Variants in WRAP73 observed in about 807,000 individuals in gnomAD.
WRAP73 encodes WD repeat-containing protein WRAP73.
WRAP73 carries 55 observed loss-of-function variants against 59.6 expected under a neutral mutation model. The ratio of observed to expected loss-of-function variants is 0.92; its 90% confidence interval spans 0.74 to 1.15. WRAP73 has a LOEUF of 1.15. WRAP73 is among the 50% of genes most tolerant of loss of function. The probability of loss-of-function intolerance (pLI) is 0.00; values close to 1 mark genes in which losing one functional copy is unlikely to be tolerated. For synonymous variants in WRAP73, 265 were observed against 258.2 expected, an observed-to-expected ratio of 1.03 and a Z score of -0.25; for missense variants, 592 against 608.1, an observed-to-expected ratio of 0.97 and a Z score of 0.28.
intron 3 of WRAP73, among the ~76,000 whole-genome samples, chr1:3,640,914 G>A (rs564161775): frequency 6.6e-6 from 1 of 152,338 alleles, no homozygotes; most frequent in South Asian, 2.1e-4. Flanking sequence ...GGGTGCGCCT[G>A]GCCGAGGCTC....
At chr1:3,634,824 A>C in intron 8 of WRAP73, 173 bp downstream of exon 8, 2 of 800,554 alleles carry the variant, frequency 2.5e-6, no homozygotes, top group Non-Finnish European at 4.1e-6. Flanking sequence ...TGGAGGAGGA[A>C]GAACAAAGGC....
At chr1:3,638,634 G>T in intron 4 of WRAP73, 116 bp downstream of exon 4, 1 of 1,058,834 alleles carries the variant, frequency 9.4e-7, no homozygotes, top group Non-Finnish European at 1.5e-6. Context: ...AGCCCAAGGG[G>T]GTTGGCTATG....
intron 8 of WRAP73, 26 bp from the exon 9 acceptor site, chr1:3,633,529 C>T (rs749354042): frequency 2.3e-5 from 35 of 1,546,284 alleles, no homozygotes; most frequent in East Asian, 4.6e-5. Context: ...TGGCCACGCC[C>T]GGCTCAGGAC....
chr1:3,639,537 C>T lies in WRAP73; in HGVS notation c.340-715G>A, dbSNP rs1306520739. ...GGTCCAGCCCTCCCCGTGGCAGCGC[C>T]GCGGGACTTCCAGGGCTGCTGTGTC... On this transcript the variant is annotated intron_variant, in intron 3 of 11. Transcript: ENST00000270708. The surrounding 1 kb of genome is among the most constrained non-coding windows in gnomAD (Gnocchi z 4.3). The T allele has an allele frequency of 6.6e-6, 1 of 152,258 alleles. No individual in the cohort carries two copies. The highest frequency in any genetic ancestry group is 2.4e-5 in the African/African-American group (1 of 41,464). 9.4% of individuals were successfully genotyped at this position (152,258 alleles called of 1,614,324 possible). A position where few individuals can be genotyped will look rare whatever the true frequency, so the allele number is the denominator to read the frequency against.
At position 3,635,934 on chromosome 1, in the gene WRAP73, ATCT is replaced by A. The variant is rs1449293321; in HGVS notation, c.603+7_603+9del. The A allele has an allele frequency of 3.7e-6, 6 of 1,612,510 alleles. No individual in the cohort carries two copies. The highest frequency in any genetic ancestry group is 4.2e-6 in the Non-Finnish European group (5 of 1,178,876). On this transcript the variant is annotated splice_region_variant and intron_variant, in intron 6 of 11. Transcript: ENST00000270708. ...TCGAAAGCAAACATGTCACCTGGTCATCTTCATACCTCCAAGCAGGTGTCCCAC... is the reference window on the plus strand; with the variant it reads ...TCGAAAGCAAACATGTCACCTGGTCATCATACCTCCAAGCAGGTGTCCCAC...
At chr1:3,648,781 A>G (rs1644713654) in intron 1 of WRAP73, among the ~76,000 whole-genome samples, 1 of 152,230 alleles carries the variant, frequency 6.6e-6, no homozygotes, top group South Asian at 2.1e-4. Flanking sequence ...CATAAATGGT[A>G]AAAACAAAAA....
rs183577306 is a variant in WRAP73, at chr1:3,641,422, G to A, written c.340-2600C>T. On this transcript the variant is annotated intron_variant, in intron 3 of 11. Coordinates refer to ENST00000270708, the MANE Select transcript of WRAP73 (RefSeq NM_017818.4). ...CACCATGACCCAGCACTCTCAAGATGGAGGAACGGGCCACTGATCCACCCC... is the reference window on the plus strand; with the variant it reads ...CACCATGACCCAGCACTCTCAAGATAGAGGAACGGGCCACTGATCCACCCC... Among the ~76,000 whole-genome samples the A allele has an allele frequency of 3.3e-5, 5 of 152,306 alleles. No individual in the cohort carries two copies. In the East Asian group the frequency reaches 7.7e-4, roughly 23 times the overall value.
At position 3,646,636 on chromosome 1, in the gene WRAP73, C is replaced by T; in HGVS notation, c.339+30G>A. 6.4e-7 allele frequency: 1 copy of T among 1,562,624 alleles called. No homozygotes were observed. Among genetic ancestry groups the T allele is most frequent in the Non-Finnish European group, 8.8e-7 (1 of 1,142,320 alleles). On this transcript the variant is annotated intron_variant, in intron 3 of 11. Transcript: ENST00000270708. The surrounding 1 kb of genome is among the most constrained non-coding windows in gnomAD (Gnocchi z 5.1). ...GAGAGCAGAGGACAGGATCACATGG[C>T]CAGTAAGGTGTCTTGGGGCTGACAC...
intron 3 of WRAP73, among the ~76,000 whole-genome samples, chr1:3,641,821 C>T (rs989255821): frequency 6.6e-6 from 1 of 152,202 alleles, no homozygotes; most frequent in African/African-American, 2.4e-5. Flanking sequence ...ACAACATACA[C>T]ACTCAAGTTT....
chr1:3,635,283 C>T lies in WRAP73; in HGVS notation c.615G>A (p.Leu205=), dbSNP rs774400737. ...ACAACCGGCCATCCAATGAGTACAG[C>T]AGAATCTTGTACTGCAGATGAGACA... The part of the protein sequence containing the change: ...VWDTCLEYKI[L]LYSLDGRLLS... Residue 205 remains leucine, a synonymous_variant, in exon 7 of 12, where the codon CTG becomes CTA. Transcript: ENST00000270708. 6.2e-7 allele frequency: 1 copy of T among 1,613,894 alleles called. No individual in the cohort carries two copies. Among genetic ancestry groups the T allele is most frequent in the Non-Finnish European group, 8.5e-7 (1 of 1,180,026 alleles).
rs534046638 is a variant in WRAP73 at position 3,639,899 on chromosome 1, C to G, written c.340-1077G>C. ...GCCCGGGGTGGGGGACCGTCTCCAG[C>G]AGCGTAAGTGGGGCCGCAGCGTGTG... On this transcript the variant is annotated intron_variant, in intron 3 of 11. Coordinates refer to ENST00000270708, the MANE Select transcript of WRAP73 (RefSeq NM_017818.4). This position sits in a 1 kb window ranked among gnomAD's most constrained non-coding sequence, Gnocchi z 4.3. 1.3e-5 allele frequency among the ~76,000 whole-genome samples: 2 copies of G among 152,300 alleles called. No individual in the cohort carries two copies. Among genetic ancestry groups the G allele is most frequent in the Non-Finnish European group, 2.9e-5 (2 of 68,014 alleles).
At chr1:3,644,890 C>A (rs948496492) in intron 3 of WRAP73, among the ~76,000 whole-genome samples, 14 of 152,212 alleles carry the variant, frequency 9.2e-5, no homozygotes, top group Non-Finnish European at 1.8e-4. Context: ...AGGCTGACCC[C>A]ATGACATGAG....
chr1:3,634,465 C>A (rs576308975), intron 8 of WRAP73: 1 of 173,516 alleles, frequency 5.8e-6, no homozygotes, highest in African/African-American at 2.4e-5. Flanking sequence ...TGGCCTGGAA[C>A]GCTCCCTCCC....
At position 3,635,956 on chromosome 1, in the gene WRAP73, G is replaced by A; in HGVS notation, c.591C>T (p.Asp197=). ...GTCATCTTCATACCTCCAAGCAGGT[G>A]TCCCACACTGCCAGCACACAGCCGT... is the stretch of plus-strand genomic sequence containing the variant. ...APNGCVLAVW[D]TCLEYKILLY... Residue 197 remains aspartate (D), a synonymous_variant, in exon 6 of 12, where the codon GAC becomes GAT. Coordinates refer to ENST00000270708, the MANE Select transcript of WRAP73 (RefSeq NM_017818.4). 2 of 1,613,870 alleles carry A rather than the reference G, an allele frequency of 1.2e-6. No individual in the cohort carries two copies. Among genetic ancestry groups the A allele is most frequent in the East Asian group, 2.2e-5 (1 of 44,886 alleles).
intron 3 of WRAP73, among the ~76,000 whole-genome samples, chr1:3,645,805 G>A (rs1570311154): frequency 6.6e-6 from 1 of 151,954 alleles, no homozygotes; most frequent in South Asian, 2.1e-4. Flanking sequence ...ATTCCCCTCC[G>A]CGCTGAGCTC....
At position 3,646,953 on chromosome 1, in the gene WRAP73, G is replaced by C. The variant is rs1644698245; in HGVS notation, c.223-171C>G. Among the ~76,000 whole-genome samples, 1 of 152,028 alleles carries C rather than the reference G, an allele frequency of 6.6e-6. No individual in the cohort carries two copies. The highest frequency in any genetic ancestry group is 2.1e-4 in the South Asian group (1 of 4,818). On this transcript the variant is annotated intron_variant, in intron 2 of 11. Coordinates refer to ENST00000270708, the MANE Select transcript of WRAP73 (RefSeq NM_017818.4). The surrounding 1 kb of genome is among the most constrained non-coding windows in gnomAD (Gnocchi z 5.1). ...AGACAACTCCCTTAAAACCAGCAGA[G>C]ACCCGATCACACAGGGTGTCTTTTA...
At chr1:3,635,327 A>G in intron 6 of WRAP73, 33 bp from the exon 7 acceptor site, 1 of 1,611,744 alleles carries the variant, frequency 6.2e-7, no homozygotes, top group Admixed American at 1.7e-5. Flanking sequence ...AATAATGAAT[A>G]CACCCCCGTC....
chr1:3,631,235 C>G, intron 11 of WRAP73, 118 bp from the exon 12 acceptor site: 5 of 1,504,316 alleles, frequency 3.3e-6, no homozygotes, highest in South Asian at 1.3e-5. Context: ...TAGGCAGAGC[C>G]AGGGTGGAGC....
intron 1 of WRAP73, among the ~76,000 whole-genome samples, chr1:3,648,386 C>A (rs979405251): frequency 1.3e-5 from 2 of 152,008 alleles, no homozygotes; most frequent in Admixed American, 1.3e-4. Context: ...TTTTATGAAC[C>A]GATATCAAAA....
Sources: gnomAD v4.1 joint callset for allele counts (sites outside exome capture counted in the v4.1 genomes callset) on GRCh38, gnomAD v4.1.1 for gene constraint, Gnocchi (gnomAD v3.1) non-coding constraint, MANE v1.5 for transcripts, NCBI Gene and HGNC (gene_info 2026-07-23, HGNC 2026-07-21) for gene names.